PEBP4: variants seen among roughly 807,000 people sequenced by gnomAD.
PEBP4 encodes phosphatidylethanolamine-binding protein 4.
PEBP4 carries 22 observed loss-of-function variants against 23.9 expected under a neutral mutation model. The observed-to-expected ratio is 0.92, with a 90% CI of 0.66 to 1.31. The LOEUF (loss-of-function observed/expected upper bound fraction) is 1.31. PEBP4 is among the 40% of genes most tolerant of loss of function. PEBP4 has a pLI of 0.00. For missense variants in PEBP4, 324 were observed against 281.7 expected (o/e 1.15, Z -1.07); for synonymous variants, 112 against 99.3 (o/e 1.13, Z -0.76).
intron 3 of PEBP4, among the ~76,000 whole-genome samples, chr8:22,860,771 C>T (rs1211464572): frequency 1.3e-5 from 2 of 152,222 alleles, no homozygotes; most frequent in African/African-American, 2.4e-5. Context: ...TGCTAGGCAA[C>T]AGGGACACAA....
chr8:22,739,040 C>T (rs1804932790), intron 4 of PEBP4, among the ~76,000 whole-genome samples: 1 of 152,174 alleles, frequency 6.6e-6, no homozygotes, highest in South Asian at 2.1e-4. Flanking sequence ...AATCTCCAGG[C>T]CCCTGGCAGG....
chr8:22,888,503 G>A (rs1336292963), intron 3 of PEBP4, among the ~76,000 whole-genome samples: 1 of 152,168 alleles, frequency 6.6e-6, no homozygotes, highest in African/African-American at 2.4e-5. Context: ...CTGCTATGAG[G>A]GTGGGGCTTG....
At chr8:22,819,939 T>C (rs1221674818) in intron 3 of PEBP4, among the ~76,000 whole-genome samples, 2 of 152,112 alleles carry the variant, frequency 1.3e-5, no homozygotes, top group African/African-American at 2.4e-5. Context: ...ATGATGTTTG[T>C]AGACCAATGG....
intron 3 of PEBP4, among the ~76,000 whole-genome samples, chr8:22,874,548 C>T (rs945540054): frequency 1.3e-5 from 2 of 152,248 alleles, no homozygotes; most frequent in African/African-American, 4.8e-5. Context: ...TGATACAACC[C>T]CCCTTTCGTA....
chr8:22,885,180 CAT>C (rs962313416), intron 3 of PEBP4: 1 of 152,168 alleles, frequency 6.6e-6, no homozygotes, highest in Non-Finnish European at 1.5e-5. Flanking sequence ...GATGCCAGTT[CAT>C]AAAGAGAGCT....
At chr8:22,894,139 C>T (rs185561242) in intron 3 of PEBP4, among the ~76,000 whole-genome samples, 4 of 152,092 alleles carry the variant, frequency 2.6e-5, no homozygotes, top group Admixed American at 6.6e-5. Flanking sequence ...GAACAAAGTA[C>T]CCATTGAAGA....
chr8:22,872,814 C>T (rs1406817224), intron 3 of PEBP4, among the ~76,000 whole-genome samples: 2 of 152,104 alleles, frequency 1.3e-5, no homozygotes, highest in Non-Finnish European at 2.9e-5. Context: ...GTAGCTGGGA[C>T]TACAGGCATG....
chr8:22,742,584 G>C (rs553112683), intron 4 of PEBP4, among the ~76,000 whole-genome samples: 2 of 152,206 alleles, frequency 1.3e-5, no homozygotes, highest in Non-Finnish European at 2.9e-5. Flanking sequence ...GTGCTGTCTA[G>C]CTGCTCAGTG....
chr8:22,929,894 C>T (rs1175983153), upstream of PEBP4, among the ~76,000 whole-genome samples: 5 of 152,128 alleles, frequency 3.3e-5, no homozygotes, highest in East Asian at 1.9e-4. Context: ...TTTGTAGAGA[C>T]GGGGTCTTGC....
At chr8:22,785,298 C>T (rs868553355) in intron 4 of PEBP4, among the ~76,000 whole-genome samples, 6 of 152,196 alleles carry the variant, frequency 3.9e-5, no homozygotes, top group Non-Finnish European at 5.9e-5. Context: ...GAACCGGAAT[C>T]GAGAGCTGCT....
At chr8:22,754,599 G>A (rs934529964) in intron 4 of PEBP4, among the ~76,000 whole-genome samples, 1 of 152,184 alleles carries the variant, frequency 6.6e-6, no homozygotes, top group Non-Finnish European at 1.5e-5. Flanking sequence ...GAGAGGAAAG[G>A]CTCATTCTAG....
At chr8:22,839,506 A>G (rs1040602657) in intron 3 of PEBP4, among the ~76,000 whole-genome samples, 4 of 152,154 alleles carry the variant, frequency 2.6e-5, no homozygotes, top group African/African-American at 9.7e-5. Context: ...TCATCTCAAC[A>G]CCTTGCTTTC....
At chr8:22,723,430 G>A (rs1804558945) in intron 6 of PEBP4, among the ~76,000 whole-genome samples, 1 of 152,002 alleles carries the variant, frequency 6.6e-6, no homozygotes, top group African/African-American at 2.4e-5. Context: ...CCTCCATCCT[G>A]CCTTCAGAAA....
At chr8:22,786,619 T>TA (rs1373154687) in intron 4 of PEBP4, among the ~76,000 whole-genome samples, 3 of 151,808 alleles carry the variant, frequency 2.0e-5, no homozygotes, top group Non-Finnish European at 4.4e-5. Flanking sequence ...TTAGTGGCTT[T>TA]AAAAAAAAGT....
At chr8:22,807,857 C>A (rs909364712) in intron 4 of PEBP4, among the ~76,000 whole-genome samples, 1 of 149,004 alleles carries the variant, frequency 6.7e-6, no homozygotes, top group Admixed American at 6.8e-5. Flanking sequence ...TCCACCCACC[C>A]ACCTACCCAA....
Position 22,912,654 on chromosome 8 carries a change from G to A in PEBP4, c.258+7530C>T, listed in dbSNP as rs373444991. Among the ~76,000 whole-genome samples the A allele has an allele frequency of 2.1e-4, 32 of 152,344 alleles. No homozygotes were observed. In the South Asian group the frequency reaches 6.4e-3, roughly 31 times the overall value. ...CCATGTTGCTAGGAGGATCTGTCCT[G>A]TGAAGTCCTGCATAGGAAGTGTCTT... is the stretch of plus-strand genomic sequence containing the variant. On this transcript the variant is annotated intron_variant, in intron 3 of 6. Coordinates refer to ENST00000256404, the MANE Select transcript of PEBP4 (RefSeq NM_144962.3).
At chr8:22,762,042 C>T (rs1805519212) in intron 4 of PEBP4, among the ~76,000 whole-genome samples, 2 of 151,944 alleles carry the variant, frequency 1.3e-5, no homozygotes, top group Admixed American at 1.3e-4. Context: ...TTTCTAACCC[C>T]CACCTTTTAA....
At chr8:22,815,787 A>T (rs1424248467) in intron 4 of PEBP4, among the ~76,000 whole-genome samples, 3 of 152,150 alleles carry the variant, frequency 2.0e-5, no homozygotes, top group Admixed American at 6.5e-5. Context: ...GGCTAAATTC[A>T]TGTTCGTTGT....
Position 22,723,401 on chromosome 8 carries a change from TC to T in PEBP4, c.517+1441del, listed in dbSNP as rs776290353. 5.2e-4 allele frequency among the ~76,000 whole-genome samples: 79 copies of T among 152,184 alleles called. 1 individual carries two copies. The highest frequency in any genetic ancestry group is 5.3e-4 in the Non-Finnish European group (36 of 67,990). On this transcript the variant is annotated intron_variant, in intron 6 of 6. Transcript: ENST00000256404. ...CTTGTCTGTCCCTCCTCATGGCATCTCCCGATGCTCTATCCTTCCCTCCATC... is the reference window on the plus strand; with the variant it reads ...CTTGTCTGTCCCTCCTCATGGCATCTCCGATGCTCTATCCTTCCCTCCATC...
Sources: gnomAD v4.1 joint callset for allele counts (sites outside exome capture counted in the v4.1 genomes callset) on GRCh38, gnomAD v4.1.1 for gene constraint, MANE v1.5 for transcripts, NCBI Gene and HGNC (gene_info 2026-07-23, HGNC 2026-07-21) for gene names.